Variants in NR6A1 observed in about 807,000 individuals in gnomAD.
The protein encoded by NR6A1 is nuclear receptor subfamily 6 group A member 1, also known as retinoic acid receptor-related testis-associated receptor.
Under a neutral mutation model 59.1 loss-of-function variants are expected in NR6A1, and 7 were observed. That is an observed-to-expected ratio of 0.12 (90% CI 0.07 to 0.22). The LOEUF (loss-of-function observed/expected upper bound fraction) is 0.22, where lower values mean the gene tolerates loss of function less well. Ranked by LOEUF, NR6A1 falls within the 10% of genes least tolerant of loss-of-function variation. NR6A1 has a pLI of 1.00. For missense variants in NR6A1, 468 were observed against 611.6 expected, an observed-to-expected ratio of 0.77 and a Z score of 2.48; for synonymous variants, 243 against 236.1, an observed-to-expected ratio of 1.03 and a Z score of -0.27.
At chr9:124,630,034 G>T (rs1836377946) in intron 2 of NR6A1, among the ~76,000 whole-genome samples, 1 of 152,060 alleles carries the variant, frequency 6.6e-6, no homozygotes, top group Non-Finnish European at 1.5e-5. Flanking sequence ...TTTCATACAT[G>T]TTATCAAGAG....
At chr9:124,606,168 C>T (rs1835570848) in intron 2 of NR6A1, among the ~76,000 whole-genome samples, 1 of 152,140 alleles carries the variant, frequency 6.6e-6, no homozygotes, top group Admixed American at 6.6e-5. Context: ...CCAAATGCGC[C>T]TTTGCATGTA....
chr9:124,597,669 A>C (rs769650430), intron 2 of NR6A1, among the ~76,000 whole-genome samples: 2 of 152,172 alleles, frequency 1.3e-5, no homozygotes, highest in Non-Finnish European at 2.9e-5. Context: ...ACAAATCTTT[A>C]ACATAGCTTA....
chr9:124,730,495 A>C (rs935993057), intron 2 of NR6A1, among the ~76,000 whole-genome samples: 1 of 151,572 alleles, frequency 6.6e-6, no homozygotes, highest in Non-Finnish European at 1.5e-5. Context: ...TTGGCCTCCC[A>C]AAGTGCTGGA....
At chr9:124,715,147 G>A (rs370030006) in intron 2 of NR6A1, among the ~76,000 whole-genome samples, 50 of 151,134 alleles carry the variant, frequency 3.3e-4, no homozygotes, top group African/African-American at 1.1e-3. Flanking sequence ...GCAGTGAGCC[G>A]AGACCATGCC....
At chr9:124,559,052 A>G (rs1834006445) in intron 2 of NR6A1, among the ~76,000 whole-genome samples, 1 of 152,248 alleles carries the variant, frequency 6.6e-6, no homozygotes, top group South Asian at 2.1e-4. Context: ...TCTTATAGAT[A>G]AGGCAAAAAA....
At chr9:124,672,709 A>G (rs1461024547) in intron 2 of NR6A1, among the ~76,000 whole-genome samples, 1 of 152,088 alleles carries the variant, frequency 6.6e-6, no homozygotes, top group East Asian at 1.9e-4. Flanking sequence ...CTGCCAACAG[A>G]ATTTGAGTGT....
chr9:124,692,430 A>G (rs761531279), intron 2 of NR6A1: 1 of 527,734 alleles, frequency 1.9e-6, no homozygotes, highest in South Asian at 1.4e-5. Flanking sequence ...TGGGATGTGG[A>G]TGGGAGAATG....
At chr9:124,653,937 T>C (rs1345059718) in intron 2 of NR6A1, among the ~76,000 whole-genome samples, 1 of 152,208 alleles carries the variant, frequency 6.6e-6, no homozygotes, top group African/African-American at 2.4e-5. Context: ...TTCTAAATTA[T>C]TGACAAAGAA....
chr9:124,559,494 G>T (rs1366768117), intron 2 of NR6A1, among the ~76,000 whole-genome samples: 1 of 152,148 alleles, frequency 6.6e-6, no homozygotes, highest in Non-Finnish European at 1.5e-5. Context: ...GGAGTTTTCA[G>T]GCTGGGTGTA....
intron 2 of NR6A1, among the ~76,000 whole-genome samples, chr9:124,728,523 T>C (rs1564256734): frequency 6.6e-6 from 1 of 151,834 alleles, no homozygotes; most frequent in East Asian, 2.0e-4. Context: ...TAATCCCAGC[T>C]ACTCGGGAGG....
At chr9:124,536,704 T>C (rs1404974004) in intron 6 of NR6A1, among the ~76,000 whole-genome samples, 4 of 151,440 alleles carry the variant, frequency 2.6e-5, no homozygotes, top group Non-Finnish European at 4.4e-5. Flanking sequence ...TGTCAGGGAA[T>C]ATGACTTTTA....
chr9:124,564,827 T>C (rs1459297428), intron 2 of NR6A1, among the ~76,000 whole-genome samples: 6 of 152,166 alleles, frequency 3.9e-5, no homozygotes, highest in African/African-American at 1.2e-4. Flanking sequence ...TTTAAAGCTA[T>C]AGTAATTAAA....
intron 1 of NR6A1, among the ~76,000 whole-genome samples, chr9:124,762,647 A>G (rs1840813790): frequency 6.6e-6 from 1 of 152,242 alleles, no homozygotes; most frequent in African/African-American, 2.4e-5. Context: ...TCAATGAACT[A>G]TGTGTAATCC....
At chr9:124,648,114 G>A (rs561933566) in intron 2 of NR6A1, among the ~76,000 whole-genome samples, 1 of 152,258 alleles carries the variant, frequency 6.6e-6, no homozygotes, top group East Asian at 1.9e-4. Flanking sequence ...CCATGATCAA[G>A]TGGGATTCAT....
At chr9:124,630,131 T>C (rs1447376689) in intron 2 of NR6A1, among the ~76,000 whole-genome samples, 2 of 151,570 alleles carry the variant, frequency 1.3e-5, no homozygotes, top group Admixed American at 6.6e-5. Context: ...TATTTTATCA[T>C]ACAATATCTA....
intron 2 of NR6A1, among the ~76,000 whole-genome samples, chr9:124,721,647 C>G (rs919331296): frequency 6.6e-5 from 10 of 152,334 alleles, no homozygotes; most frequent in Admixed American, 5.2e-4. Context: ...AACTCGGGAA[C>G]CTATTCCACA....
At chr9:124,730,577 GAC>G (rs1839853710) in intron 2 of NR6A1, among the ~76,000 whole-genome samples, 1 of 116,572 alleles carries the variant, frequency 8.6e-6, no homozygotes. Context: ...TTTTTTTGGT[GAC>G]TCCTATTCTA....
intron 2 of NR6A1, among the ~76,000 whole-genome samples, chr9:124,581,809 C>T (rs1489356812): frequency 6.6e-6 from 1 of 151,912 alleles, no homozygotes; most frequent in Non-Finnish European, 1.5e-5. Context: ...TATGAGCCGA[C>T]AAACATGAAA....
intron 7 of NR6A1, among the ~76,000 whole-genome samples, chr9:124,535,118 C>A (rs934681165): frequency 1.3e-5 from 2 of 150,614 alleles, no homozygotes; most frequent in Admixed American, 6.6e-5. Flanking sequence ...AGCCAGACAC[C>A]GTCTCAAAAA....
Sources: gnomAD v4.1 joint callset for allele counts (sites outside exome capture counted in the v4.1 genomes callset) on GRCh38, gnomAD v4.1.1 for gene constraint, MANE v1.5 for transcripts, NCBI Gene and HGNC (gene_info 2026-07-23, HGNC 2026-07-21) for gene names.